The following OR3A2 variants were observed in gnomAD, a reference collection of about 807,000 sequenced individuals.
OR3A2 encodes olfactory receptor family 3 subfamily A member 2.
For synonymous variants in OR3A2, 126 were observed against 159.3 expected (o/e 0.79, Z 1.57); for missense variants, 318 against 392.8 (o/e 0.81, Z 1.61).
At chr17:3,343,572 C>G (rs1206161473) in intron 2 of OR3A2, among the ~76,000 whole-genome samples, 1 of 152,088 alleles carries the variant, frequency 6.6e-6, no homozygotes, top group Non-Finnish European at 1.5e-5. Flanking sequence ...AAACTAGAAA[C>G]CATGACTTCT....
intron 2 of OR3A2, among the ~76,000 whole-genome samples, chr17:3,344,677 T>A (rs1401582989): frequency 1.3e-5 from 2 of 152,118 alleles, no homozygotes; most frequent in African/African-American, 4.8e-5. Flanking sequence ...CACTCCAATA[T>A]CACTTTGAGG....
chr17:3,309,106 A>G (rs953815202), intron 3 of OR3A2, among the ~76,000 whole-genome samples: 4 of 152,024 alleles, frequency 2.6e-5, no homozygotes, highest in Non-Finnish European at 5.9e-5. Context: ...GGGTTTCACC[A>G]TATTGGCTAG....
chr17:3,349,507 T>C (rs2049400677), intron 2 of OR3A2, among the ~76,000 whole-genome samples: 2 of 152,112 alleles, frequency 1.3e-5, no homozygotes, highest in African/African-American at 4.8e-5. Context: ...ATGCACCCAA[T>C]ACAGGAGCAC....
intron 2 of OR3A2, among the ~76,000 whole-genome samples, chr17:3,362,143 G>A (rs1410438301): frequency 6.6e-6 from 1 of 151,566 alleles, no homozygotes; most frequent in Admixed American, 6.6e-5. Flanking sequence ...GTTTAGTCTT[G>A]GGAGGGTGTA....
Position 3,315,755 on chromosome 17 carries a change from G to GT in OR3A2, c.-85+20277_-85+20278insA, listed in dbSNP as rs887871552. 5.2e-4 allele frequency among the ~76,000 whole-genome samples: 73 copies of GT among 141,250 alleles called. 1 individual carries two copies. Among genetic ancestry groups the GT allele is most frequent in the Non-Finnish European group, 5.8e-4 (38 of 65,784 alleles). 92.7% of individuals were successfully genotyped at this position (141,250 alleles called of 152,430 possible). On this transcript the variant is annotated intron_variant, in intron 3 of 4. Coordinates refer to the OR3A2 transcript ENST00000573491. The stretch of plus-strand genomic sequence containing the variant: ...AAGTGCTAACTGGTGAAAATATGGG[G>GT]GGGGGGGCGGTAGTAAGATGAGTAG...
chr17:3,292,170 C>G (rs143631940), intron 3 of OR3A2: 1 of 1,614,072 alleles, frequency 6.2e-7, no homozygotes, highest in Non-Finnish European at 8.5e-7. Context: ...CTGACTCATG[C>G]GGGTGCTGTA....
chr17:3,360,162 T>C (rs1280937271), intron 2 of OR3A2, among the ~76,000 whole-genome samples: 2 of 151,892 alleles, frequency 1.3e-5, no homozygotes, highest in South Asian at 2.1e-4. Flanking sequence ...TGCATTTCTC[T>C]GATGGCCAGT....
chr17:3,305,962 C>T (rs1022821309), intron 3 of OR3A2, among the ~76,000 whole-genome samples: 1 of 152,136 alleles, frequency 6.6e-6, no homozygotes, highest in African/African-American at 2.4e-5. Flanking sequence ...AAAAATAGTA[C>T]TGTGCTCAAT....
intron 3 of OR3A2, among the ~76,000 whole-genome samples, chr17:3,335,447 C>T (rs551561862): frequency 1.3e-5 from 2 of 152,240 alleles, no homozygotes; most frequent in Non-Finnish European, 2.9e-5. Flanking sequence ...ATTACCTCAA[C>T]ACTATGTATT....
chr17:3,331,487 T>G (rs2049233710), intron 3 of OR3A2, among the ~76,000 whole-genome samples: 1 of 151,882 alleles, frequency 6.6e-6, no homozygotes, highest in Admixed American at 6.6e-5. Flanking sequence ...GCTGATACCC[T>G]TTCTTCCAGT....
At chr17:3,366,234 T>TA (rs1250904260) in intron 2 of OR3A2, among the ~76,000 whole-genome samples, 3 of 152,174 alleles carry the variant, frequency 2.0e-5, no homozygotes, top group Admixed American at 6.5e-5. Flanking sequence ...AGAATGGACA[T>TA]AGAGTGGCCA....
chr17:3,362,191 A>G (rs1446374464), intron 2 of OR3A2, among the ~76,000 whole-genome samples: 1 of 151,202 alleles, frequency 6.6e-6, no homozygotes, highest in African/African-American at 2.4e-5. Flanking sequence ...TAGATTTTCT[A>G]GTTTATTTGC....
At chr17:3,298,761 G>C (rs544820536) in intron 3 of OR3A2, among the ~76,000 whole-genome samples, 1 of 152,170 alleles carries the variant, frequency 6.6e-6, no homozygotes, top group Non-Finnish European at 1.5e-5. Flanking sequence ...TCTATTGAAG[G>C]GAAAGGAAGC....
At chr17:3,319,301 AT>A (rs1397551061) in intron 3 of OR3A2, among the ~76,000 whole-genome samples, 1 of 152,124 alleles carries the variant, frequency 6.6e-6, no homozygotes, top group African/African-American at 2.4e-5. Flanking sequence ...TATTTTAGGC[AT>A]TGGGGGCCAC....
intron 3 of OR3A2, among the ~76,000 whole-genome samples, chr17:3,295,153 T>C (rs2048909399): frequency 6.6e-6 from 1 of 152,094 alleles, no homozygotes. Context: ...AAAATGTTTA[T>C]AATTAGCAAA....
chr17:3,318,725 A>G (rs1459259317), intron 3 of OR3A2, among the ~76,000 whole-genome samples: 1 of 152,164 alleles, frequency 6.6e-6, no homozygotes, highest in African/African-American at 2.4e-5. Flanking sequence ...AAGAACCATA[A>G]TTTGATGTGT....
chr17:3,359,334 AT>A (rs2049490012), intron 2 of OR3A2, among the ~76,000 whole-genome samples: 1 of 151,538 alleles, frequency 6.6e-6, no homozygotes, highest in African/African-American at 2.4e-5. Flanking sequence ...GCTGGTTATT[AT>A]CTTGGCTTCT....
chr17:3,342,022 A>G (rs554484041), intron 2 of OR3A2, among the ~76,000 whole-genome samples: 1 of 152,162 alleles, frequency 6.6e-6, no homozygotes, highest in Admixed American at 6.5e-5. Context: ...TTTGATCTTC[A>G]ATCACTAATA....
intron 1 of OR3A2, among the ~76,000 whole-genome samples, chr17:3,385,339 C>T (rs1044095869): frequency 3.3e-5 from 5 of 152,116 alleles, no homozygotes; most frequent in African/African-American, 7.2e-5. Context: ...AATTCTGCTC[C>T]TAATTGTTTA....
Sources: allele counts gnomAD v4.1 joint callset (sites outside exome capture counted in the v4.1 genomes callset), GRCh38; gene constraint gnomAD v4.1.1; transcripts MANE v1.5; gene names NCBI Gene and HGNC (gene_info 2026-07-23, HGNC 2026-07-21).